Variants in CADM2 observed in about 807,000 individuals in gnomAD.
The protein encoded by CADM2 is cell adhesion molecule 2.
CADM2 carries 12 observed loss-of-function variants against 49.8 expected under a neutral mutation model. The ratio of observed to expected loss-of-function variants is 0.24; its 90% confidence interval spans 0.15 to 0.39. CADM2 has a LOEUF of 0.39. Among genes scored for constraint, CADM2 ranks in the 10% least tolerant of loss-of-function variants. CADM2 has a pLI of 1.00. For missense variants in CADM2, 378 were observed against 492.3 expected (o/e 0.77, Z 2.20); for synonymous variants, 214 against 175.4 (o/e 1.22, Z -1.74).
chr3:86,040,230 A>G (rs1735696493), intron 8 of CADM2, among the ~76,000 whole-genome samples: 1 of 152,228 alleles, frequency 6.6e-6, no homozygotes, highest in Non-Finnish European at 1.5e-5. Context: ...AAAGTAGGAC[A>G]GAGAATGACT....
chr3:85,412,154 C>G (rs768736878), intron 1 of CADM2, among the ~76,000 whole-genome samples: 6 of 152,014 alleles, frequency 3.9e-5, no homozygotes, highest in Admixed American at 3.9e-4. Flanking sequence ...TTTGAAAAGC[C>G]TTACACATAT....
At chr3:85,169,531 G>A (rs995967713) in intron 1 of CADM2, among the ~76,000 whole-genome samples, 1 of 152,044 alleles carries the variant, frequency 6.6e-6, no homozygotes, top group African/African-American at 2.4e-5. Context: ...CAGCATTCTG[G>A]GAGGCTGAAG....
intron 1 of CADM2, among the ~76,000 whole-genome samples, chr3:84,988,683 T>C (rs1012047666): frequency 1.3e-5 from 2 of 152,198 alleles, no homozygotes; most frequent in East Asian, 1.9e-4. Context: ...GTAAAACTTA[T>C]GTTTAATTGA....
chr3:85,345,313 C>CA (rs3085180), intron 1 of CADM2, among the ~76,000 whole-genome samples: 5,060 of 47,152 alleles, frequency 0.11, 967 homozygotes, highest in African/African-American at 0.31. Context: ...GTCTCCATCT[C>CA]AAAAAAAAAA....
intron 1 of CADM2, among the ~76,000 whole-genome samples, chr3:85,187,928 C>T (rs944655822): frequency 6.6e-6 from 1 of 151,736 alleles, no homozygotes; most frequent in Non-Finnish European, 1.5e-5. Flanking sequence ...GGAGTGTTTT[C>T]ATCTTTTCTT....
intron 1 of CADM2, among the ~76,000 whole-genome samples, chr3:85,017,867 A>G (rs9816652): frequency 0.51 from 78,020 of 151,994 alleles, 20,330 homozygotes; most frequent in Admixed American, 0.59. Flanking sequence ...CGAGTCAAAG[A>G]TCAATGAAAT....
chr3:85,741,503 A>G (rs1471035204), intron 2 of CADM2, among the ~76,000 whole-genome samples: 3 of 152,134 alleles, frequency 2.0e-5, no homozygotes, highest in East Asian at 1.9e-4. Flanking sequence ...CCCCGTCTCT[A>G]CTAAAAATAC....
At chr3:86,050,933 T>C (rs1242665453) in intron 8 of CADM2, among the ~76,000 whole-genome samples, 1 of 152,120 alleles carries the variant, frequency 6.6e-6, no homozygotes, top group East Asian at 1.9e-4. Flanking sequence ...TTGTCTTGGG[T>C]TTTCCACATT....
intron 1 of CADM2, among the ~76,000 whole-genome samples, chr3:85,645,810 C>T (rs993858107): frequency 7.1e-6 from 1 of 140,570 alleles, no homozygotes; most frequent in East Asian, 2.1e-4. Flanking sequence ...AAATAAAAGA[C>T]AACAAAAGAA....
At chr3:85,014,668 G>T (rs1382230773) in intron 1 of CADM2, among the ~76,000 whole-genome samples, 1 of 152,128 alleles carries the variant, frequency 6.6e-6, no homozygotes, top group Non-Finnish European at 1.5e-5. Context: ...TCTCTCACAA[G>T]ATTGCAGAGG....
intron 1 of CADM2, among the ~76,000 whole-genome samples, chr3:85,231,244 G>C (rs2042279893): frequency 6.6e-6 from 1 of 152,050 alleles, no homozygotes; most frequent in South Asian, 2.1e-4. Flanking sequence ...TTTTTTCATT[G>C]CTATGATTTA....
intron 1 of CADM2, among the ~76,000 whole-genome samples, chr3:85,511,097 C>CA (rs1491296998): frequency 6.6e-6 from 1 of 152,036 alleles, no homozygotes; most frequent in Non-Finnish European, 1.5e-5. Flanking sequence ...TGCCTACCCT[C>CA]ACACTTCAGT....
At chr3:85,352,714 T>C (rs2031467419) in intron 1 of CADM2, among the ~76,000 whole-genome samples, 1 of 152,110 alleles carries the variant, frequency 6.6e-6, no homozygotes, top group Non-Finnish European at 1.5e-5. Flanking sequence ...TTTTTGATAT[T>C]TATAATTTTA....
chr3:86,058,669 T>C (rs185812122), intron 8 of CADM2, among the ~76,000 whole-genome samples: 5 of 152,202 alleles, frequency 3.3e-5, no homozygotes, highest in South Asian at 4.1e-4. Flanking sequence ...TCACTTTCTT[T>C]GTATAAAAAT....
At chr3:84,971,974 C>A (rs190942926) in intron 1 of CADM2, among the ~76,000 whole-genome samples, 1 of 152,136 alleles carries the variant, frequency 6.6e-6, no homozygotes, top group East Asian at 1.9e-4. Context: ...TGGTCTGGTG[C>A]AGGTCTTTTA....
intron 2 of CADM2, among the ~76,000 whole-genome samples, chr3:85,736,196 A>G (rs912355156): frequency 1.6e-4 from 24 of 152,244 alleles, no homozygotes; most frequent in African/African-American, 5.8e-4. Context: ...GTGGTGTTCA[A>G]CTGGGGCAAA....
intron 1 of CADM2, among the ~76,000 whole-genome samples, chr3:85,168,205 A>C (rs2040523248): frequency 6.6e-6 from 1 of 151,888 alleles, no homozygotes; most frequent in Admixed American, 6.6e-5. Context: ...ACAGGCACTC[A>C]CAGCCATGCC....
intron 1 of CADM2, among the ~76,000 whole-genome samples, chr3:85,721,897 C>G (rs369931088): frequency 2.0e-5 from 3 of 152,288 alleles, no homozygotes; most frequent in African/African-American, 7.2e-5. Flanking sequence ...TGCTCCACAC[C>G]CAGGAAGAAT....
chr3:85,787,170 A>G (rs2071039967), intron 2 of CADM2, among the ~76,000 whole-genome samples: 1 of 152,078 alleles, frequency 6.6e-6, no homozygotes, highest in African/African-American at 2.4e-5. Flanking sequence ...ATGCCATTTT[A>G]GAGTGGAAGT....
Sources: allele counts gnomAD v4.1 joint callset (sites outside exome capture counted in the v4.1 genomes callset), GRCh38; gene constraint gnomAD v4.1.1; transcripts MANE v1.5; gene names NCBI Gene and HGNC (gene_info 2026-07-23, HGNC 2026-07-21).